TBL1X: variants seen among roughly 807,000 people sequenced by gnomAD.
TBL1X encodes F-box-like/WD repeat-containing protein TBL1X.
In TBL1X, 10 loss-of-function variants were observed where a neutral mutation model predicts 50.7. The observed-to-expected ratio is 0.20, with a 90% CI of 0.12 to 0.33. TBL1X has a LOEUF of 0.33. Ranked by LOEUF, TBL1X falls within the 10% of genes least tolerant of loss-of-function variation. The probability of loss-of-function intolerance (pLI) is 1.00; values close to 1 mark genes in which losing one functional copy is unlikely to be tolerated. For missense variants in TBL1X, 340 were observed against 504.4 expected (o/e 0.67, Z 3.12); for synonymous variants, 190 against 214.7 (o/e 0.88, Z 1.01).
At chrX:9,512,570 C>G (rs1269664584) in intron 2 of TBL1X, among the ~76,000 whole-genome samples, 1 of 109,184 alleles carries the variant, frequency 9.2e-6, no homozygotes, top group East Asian at 2.9e-4. Context: ...GTGGCGTGAT[C>G]CACTGCAACC....
chrX:9,529,853 G>A lies in TBL1X; in HGVS notation c.-131+28004G>A, dbSNP rs778003924. Among the ~76,000 whole-genome samples, 10 of 110,414 alleles carry A rather than the reference G, an allele frequency of 9.1e-5. No individual in the cohort carries two copies. In the South Asian group the frequency reaches 3.5e-3, roughly 39 times the overall value. ...TCCCAGCTACTCAGGAGGCTGAGGC[G>A]GGAGCCTGGGAGGTTGAGGCTGCAG... On this transcript the variant is annotated intron_variant, in intron 2 of 17. Transcript: ENST00000645353.
At chrX:9,515,565 A>C (rs2082077515) in intron 2 of TBL1X, among the ~76,000 whole-genome samples, 1 of 111,953 alleles carries the variant, frequency 8.9e-6, no homozygotes, top group Non-Finnish European at 1.9e-5. Context: ...CTGGACATGC[A>C]CTGGTCAAGA....
chrX:9,601,334 A>G (rs184042466), intron 2 of TBL1X, among the ~76,000 whole-genome samples: 230 of 110,804 alleles, frequency 2.1e-3, no homozygotes, highest in African/African-American at 6.1e-3. Flanking sequence ...CGTGGCAAGG[A>G]CACACTCCCT....
chrX:9,684,342 T>C (rs745319683), intron 6 of TBL1X, among the ~76,000 whole-genome samples, 154 bp downstream of exon 6: 2 of 111,013 alleles, frequency 1.8e-5, no homozygotes, highest in East Asian at 2.8e-4. Flanking sequence ...CCCAGGACTT[T>C]GGGAGGCCGA....
In TBL1X at chrX:9,516,628, T is replaced by G. The variant is rs920903634; in HGVS notation, c.-131+14779T>G. Among the ~76,000 whole-genome samples, 3 of 112,243 alleles carry G rather than the reference T, an allele frequency of 2.7e-5. No individual in the cohort carries two copies. In the Admixed American group the frequency reaches 2.8e-4, roughly 11 times the overall value. On this transcript the variant is annotated intron_variant, in intron 2 of 17. Transcript: ENST00000645353. ...GCATTTAGGGAGAATGCAAGGGAAA[T>G]TGACAACACACTTGGTGCAATTGGG... is the stretch of plus-strand genomic sequence containing the variant.
At chrX:9,645,662 A>G (rs1039456544) in intron 3 of TBL1X, among the ~76,000 whole-genome samples, 1 of 112,432 alleles carries the variant, frequency 8.9e-6, no homozygotes, top group African/African-American at 3.2e-5. Flanking sequence ...CGTAAAACTA[A>G]TGGGAAATTT....
intron 1 of TBL1X, among the ~76,000 whole-genome samples, chrX:9,491,344 T>TG (rs2081943740): frequency 1.2e-5 from 1 of 83,837 alleles, no homozygotes; most frequent in African/African-American, 4.6e-5. Flanking sequence ...ATATATTTTT[T>TG]TTTTTTTTTT....
chrX:9,521,844 A>G (rs1344925712), intron 2 of TBL1X, among the ~76,000 whole-genome samples: 1 of 111,590 alleles, frequency 9.0e-6, no homozygotes, highest in Non-Finnish European at 1.9e-5. Context: ...CAAAGCTTTA[A>G]TTGGTTAAGT....
At chrX:9,614,191 A>G (rs1015122732) in intron 2 of TBL1X, among the ~76,000 whole-genome samples, 3 of 110,772 alleles carry the variant, frequency 2.7e-5, no homozygotes, top group Admixed American at 9.6e-5. Flanking sequence ...CAAGTGAGTC[A>G]ATCTGATGAT....
chrX:9,560,014 A>G (rs192853478), intron 2 of TBL1X, among the ~76,000 whole-genome samples: 7 of 111,672 alleles, frequency 6.3e-5, no homozygotes, highest in African/African-American at 1.6e-4. Flanking sequence ...CGTGTTTTAC[A>G]TATAATATCT....
chrX:9,683,192 G>A (rs1026060051), intron 5 of TBL1X, among the ~76,000 whole-genome samples: 4 of 111,750 alleles, frequency 3.6e-5, no homozygotes, highest in Non-Finnish European at 7.5e-5. Context: ...ATCACCCCCA[G>A]ACCTCCACAT....
rs773205664 is a variant in TBL1X at position 9,681,532 on chromosome X, G to C, written c.212-2511G>C. ...TTGGTTGAAGATGGTAATGTGGTCA[G>C]AATCGGCTCTGTTTCACAGAGCATG... On this transcript the variant is annotated intron_variant, in intron 5 of 17. Coordinates refer to ENST00000645353, the MANE Select transcript of TBL1X (RefSeq NM_005647.4). 2.7e-5 allele frequency among the ~76,000 whole-genome samples: 3 copies of C among 112,491 alleles called. No homozygotes were observed. In the South Asian group the frequency reaches 1.1e-3, roughly 41 times the overall value.
At chrX:9,540,191 C>T (rs2082207811) in intron 2 of TBL1X, among the ~76,000 whole-genome samples, 1 of 112,274 alleles carries the variant, frequency 8.9e-6, no homozygotes, top group African/African-American at 3.2e-5. Flanking sequence ...TATGCGTTAG[C>T]CAGGATTTGG....
chrX:9,517,685 G>A (rs1156929982), intron 2 of TBL1X, among the ~76,000 whole-genome samples: 2 of 112,231 alleles, frequency 1.8e-5, no homozygotes, highest in Non-Finnish European at 3.8e-5. Flanking sequence ...TCCAAATGCC[G>A]GAAGGGTTTC....
chrX:9,553,869 ATCT>A (rs1452870428), intron 2 of TBL1X, among the ~76,000 whole-genome samples: 3 of 112,075 alleles, frequency 2.7e-5, no homozygotes, highest in Admixed American at 9.4e-5. Context: ...AGTTACATAC[ATCT>A]TCTTCTTAAA....
At chrX:9,465,701 G>A (rs2081768104) in intron 1 of TBL1X, among the ~76,000 whole-genome samples, 1 of 113,084 alleles carries the variant, frequency 8.8e-6, no homozygotes, top group African/African-American at 3.2e-5. Context: ...CTTGCGGGGA[G>A]AGACGGAGGT....
chrX:9,507,334 A>G (rs1012189154), intron 2 of TBL1X, among the ~76,000 whole-genome samples: 8 of 111,867 alleles, frequency 7.2e-5, no homozygotes, highest in African/African-American at 9.7e-5. Flanking sequence ...GTGAACTCCC[A>G]TAGACAATTG....
At chrX:9,645,209 C>T (rs1337923354) in intron 3 of TBL1X, 1 of 111,853 alleles carries the variant, frequency 8.9e-6, no homozygotes, top group Non-Finnish European at 1.9e-5. Context: ...ATTGTCGTGC[C>T]TCAGACTCCC....
At chrX:9,581,145 G>C (rs1220396708) in intron 2 of TBL1X, among the ~76,000 whole-genome samples, 1 of 112,118 alleles carries the variant, frequency 8.9e-6, no homozygotes, top group African/African-American at 3.2e-5. Flanking sequence ...CATCCATCAT[G>C]TGTCCCTAGG....
Sources: allele counts gnomAD v4.1 joint callset (sites outside exome capture counted in the v4.1 genomes callset), GRCh38; gene constraint gnomAD v4.1.1; transcripts MANE v1.5; gene names NCBI Gene and HGNC (gene_info 2026-07-23, HGNC 2026-07-21).